AGAP1: variants seen among roughly 807,000 people sequenced by gnomAD.
AGAP1 encodes the protein arf-GAP with GTPase, ANK repeat and PH domain-containing protein 1.
AGAP1 carries 29 observed loss-of-function variants against 105.3 expected under a neutral mutation model. The ratio of observed to expected loss-of-function variants is 0.28; its 90% CI spans 0.21 to 0.38. The LOEUF is 0.38. Ranked by LOEUF, AGAP1 falls within the 10% of genes least tolerant of loss-of-function variation. The probability of loss-of-function intolerance (pLI) is 1.00; values close to 1 mark genes in which losing one functional copy is unlikely to be tolerated. For synonymous variants in AGAP1, 509 were observed against 485.9 expected, an observed-to-expected ratio of 1.05 and a Z score of -0.63; for missense variants, 998 against 1,165.1, an observed-to-expected ratio of 0.86 and a Z score of 2.09.
chr2:235,774,823 G>A (rs1188700194), intron 6 of AGAP1, among the ~76,000 whole-genome samples: 1 of 152,076 alleles, frequency 6.6e-6, no homozygotes, highest in Non-Finnish European at 1.5e-5. Flanking sequence ...AGATGAGCGA[G>A]ATCTCTGCGG....
In AGAP1 at chr2:236,080,059, G is replaced by A. The variant is rs1422598707; in HGVS notation, c.2114+30778G>A. Among the ~76,000 whole-genome samples, 2 of 152,180 alleles carry A rather than the reference G, an allele frequency of 1.3e-5. No individual in the cohort carries two copies. The highest frequency in any genetic ancestry group is 2.9e-5 in the Non-Finnish European group (2 of 68,024). On this transcript the variant is annotated intron_variant, in intron 16 of 17. Coordinates refer to ENST00000304032, the MANE Select transcript of AGAP1 (RefSeq NM_001037131.3). The surrounding 1 kb of genome is among the most constrained non-coding windows in gnomAD (Gnocchi z 4.2). ...TGCCCATAGCTGTGATGTAGTCAGG[G>A]CCCCATGGCATCCGCACACATCAAG...
chr2:236,096,723 T>C lies in AGAP1; in HGVS notation c.2115-23469T>C, dbSNP rs560891732. On this transcript the variant is annotated intron_variant, in intron 16 of 17. Transcript: ENST00000304032. This position sits in a 1 kb window ranked among gnomAD's most constrained non-coding sequence, Gnocchi z 4.4. ...CCTCCTGAGTAGCTGGGATTACAGGTGCCCACCACCACACCCAGCTAATTT... is the reference window on the plus strand; with the variant it reads ...CCTCCTGAGTAGCTGGGATTACAGGCGCCCACCACCACACCCAGCTAATTT... Among the ~76,000 whole-genome samples, 1 of 151,624 alleles carries C rather than the reference T, an allele frequency of 6.6e-6. No homozygotes were observed. The highest frequency in any genetic ancestry group is 2.1e-4 in the South Asian group (1 of 4,788).
At chr2:235,722,588 T>G (rs895030842) in intron 3 of AGAP1, among the ~76,000 whole-genome samples, 14 of 152,120 alleles carry the variant, frequency 9.2e-5, no homozygotes, top group African/African-American at 2.9e-4. Flanking sequence ...CTGTCCAAAC[T>G]TTTTCTTATA....
chr2:235,743,715 A>T (rs1952721974), intron 4 of AGAP1, among the ~76,000 whole-genome samples: 1 of 152,260 alleles, frequency 6.6e-6, no homozygotes, highest in Admixed American at 6.5e-5. Flanking sequence ...ATTAGAGGTG[A>T]TAACCTTGGC....
At chr2:236,098,620 C>CTTTTTGTTTTTTTTTT (rs1323650327) in intron 16 of AGAP1, among the ~76,000 whole-genome samples, 61 of 115,234 alleles carry the variant, frequency 5.3e-4, no homozygotes, top group African/African-American at 2.3e-3. Flanking sequence ...TCTTTTTTTC[C>CTTTTTGTTTTTTTTTT]TTTTTTTTTT....
At position 236,127,152 on chromosome 2, in the gene AGAP1, G is replaced by A. The variant is rs994387638; in HGVS notation, c.*3030G>A. The stretch of plus-strand genomic sequence containing the variant: ...TCTGCACCCCCGCGTTCAGCTTCGC[G>A]GAGACTGAACTTGGCGGGGAGTGGA... On this transcript the variant is annotated 3_prime_UTR_variant, in exon 18 of 18. Coordinates refer to ENST00000304032, the MANE Select transcript of AGAP1 (RefSeq NM_001037131.3). This position sits in a 1 kb window ranked among gnomAD's most constrained non-coding sequence, Gnocchi z 6.6. 2.6e-5 allele frequency: 4 copies of A among 152,220 alleles called. No individual in the cohort carries two copies. The highest frequency in any genetic ancestry group is 7.2e-5 in the African/African-American group (3 of 41,450). 9.4% of individuals were successfully genotyped at this position (152,220 alleles called of 1,614,324 possible). A position where few individuals can be genotyped will look rare whatever the true frequency, so the allele number is the denominator to read the frequency against.
rs757668520 is a variant in AGAP1, at chr2:235,883,312, T to C, written c.1051-33T>C. The C allele has an allele frequency of 6.3e-7, 1 of 1,592,342 alleles. No individual in the cohort carries two copies. The highest frequency in any genetic ancestry group is 8.6e-7 in the Non-Finnish European group (1 of 1,162,256). On this transcript the variant is annotated intron_variant, in intron 9 of 17. Coordinates refer to ENST00000304032, the MANE Select transcript of AGAP1 (RefSeq NM_001037131.3). The surrounding 1 kb of genome is among the most constrained non-coding windows in gnomAD (Gnocchi z 4.5). ...TGCCTTTTCTTTTTTTTATTTACAT[T>C]AGAATTTCTATTTGGCTCTTTTTCC...
At position 235,578,028 on chromosome 2, in the gene AGAP1, C is replaced by G. The variant is rs928430161; in HGVS notation, c.163+83179C>G. 6.6e-6 allele frequency among the ~76,000 whole-genome samples: 1 copy of G among 152,120 alleles called. No individual in the cohort carries two copies. Among genetic ancestry groups the G allele is most frequent in the Admixed American group, 6.5e-5 (1 of 15,280 alleles). On this transcript the variant is annotated intron_variant, in intron 1 of 17. Transcript: ENST00000304032. The surrounding 1 kb of genome is among the most constrained non-coding windows in gnomAD (Gnocchi z 4.9). The stretch of plus-strand genomic sequence containing the variant: ...TGTGCTGGTCCCGCCATCAGGACTT[C>G]CCCTCGTGAGGAGCTGGGTACCACT...
In AGAP1 at chr2:235,976,514, G is replaced by A. The variant is rs200352023; in HGVS notation, c.1645+7891G>A. On this transcript the variant is annotated intron_variant, in intron 13 of 17. Coordinates refer to ENST00000304032, the MANE Select transcript of AGAP1 (RefSeq NM_001037131.3). This position sits in a 1 kb window ranked among gnomAD's most constrained non-coding sequence, Gnocchi z 4.5. ...GTGATGAACCGACGCACAGAAGGAT[G>A]TTTGTAGTGTGGTTTTTGTTTGTTT... Among the ~76,000 whole-genome samples, 4 of 152,342 alleles carry A rather than the reference G, an allele frequency of 2.6e-5. No homozygotes were observed. The East Asian group carries it at 7.7e-4, about 29-fold the overall frequency.
Position 236,124,018 on chromosome 2 carries a change from T to C in AGAP1, c.2470T>C (p.Tyr824His), listed in dbSNP as rs1261845311. 3.1e-6 allele frequency: 5 copies of C among 1,614,038 alleles called. No individual in the cohort carries two copies. The highest frequency in any genetic ancestry group is 1.1e-5 in the South Asian group (1 of 91,060). The stretch of plus-strand genomic sequence containing the variant: ...GGAGTGCATCGACGTGCTGCTGCAG[T>C]ACGGCTGCCCCGACGAGCGCTTCGT... ...SQECIDVLLQ[Y>H]GCPDERFVLM... The change falls in exon 18 of 18, where the codon TAC becomes CAC. Residue 824 changes from tyrosine to histidine, a missense_variant. Physicochemically the swap from Tyr to His is moderately conservative, Grantham distance 83 (BLOSUM62 2). Transcript: ENST00000304032. This position sits in a 1 kb window ranked among gnomAD's most constrained non-coding sequence, Gnocchi z 5.1.
intron 13 of AGAP1, among the ~76,000 whole-genome samples, chr2:236,026,792 T>A (rs1199000137): frequency 3.3e-5 from 5 of 152,138 alleles, no homozygotes; most frequent in Non-Finnish European, 7.4e-5. Context: ...CTGGGGAAGC[T>A]AGTTTCAAAA....
At chr2:235,863,879 A>G (rs1351881962) in intron 9 of AGAP1, among the ~76,000 whole-genome samples, 1 of 152,234 alleles carries the variant, frequency 6.6e-6, no homozygotes, top group Non-Finnish European at 1.5e-5. Context: ...AGGTGGATGA[A>G]AAGTTGCCAG....
intron 13 of AGAP1, among the ~76,000 whole-genome samples, chr2:236,018,554 GC>G (rs765683309): frequency 9.9e-5 from 15 of 152,186 alleles, no homozygotes. Flanking sequence ...TCTTTCAAGA[GC>G]ATTTAAGCTC....
At position 235,891,852 on chromosome 2, in the gene AGAP1, C is replaced by G. The variant is rs767516736; in HGVS notation, c.1155+8403C>G. On this transcript the variant is annotated intron_variant, in intron 10 of 17. Transcript: ENST00000304032. The surrounding 1 kb of genome is among the most constrained non-coding windows in gnomAD (Gnocchi z 4.2). The stretch of plus-strand genomic sequence containing the variant: ...GGCAGACGTGCATGAACTGGTCAGA[C>G]TTTTAAAAAACCTCCTTCTGGCCAG... Among the ~76,000 whole-genome samples the G allele has an allele frequency of 5.9e-5, 9 of 152,148 alleles. No individual in the cohort carries two copies. Among genetic ancestry groups the G allele is most frequent in the Non-Finnish European group, 8.8e-5 (6 of 68,018 alleles).
chr2:235,877,325 G>A lies in AGAP1; in HGVS notation c.1051-6020G>A, dbSNP rs1314229773. On this transcript the variant is annotated intron_variant, in intron 9 of 17. Transcript: ENST00000304032. The surrounding 1 kb of genome is among the most constrained non-coding windows in gnomAD (Gnocchi z 4.3). ...TTTAAATTAATACCATTAATTTACT[G>A]TGCATTTAATGTTAAGGATGATGAT... Among the ~76,000 whole-genome samples, 1 of 152,008 alleles carries A rather than the reference G, an allele frequency of 6.6e-6. No homozygotes were observed. Among genetic ancestry groups the A allele is most frequent in the East Asian group, 1.9e-4 (1 of 5,190 alleles).
intron 6 of AGAP1, among the ~76,000 whole-genome samples, chr2:235,775,000 G>T (rs1253307751): frequency 6.6e-6 from 1 of 152,056 alleles, no homozygotes; most frequent in Non-Finnish European, 1.5e-5. Context: ...TTTTTTTTAT[G>T]GAAGAGATTC....
chr2:235,670,074 C>A (rs1948295734), intron 1 of AGAP1: 1 of 419,226 alleles, frequency 2.4e-6, no homozygotes, highest in Non-Finnish European at 4.2e-6. Flanking sequence ...TCGCTGGATG[C>A]GGCGGGGCCC....
chr2:235,670,360 G>A (rs945045968), intron 1 of AGAP1: 5 of 527,968 alleles, frequency 9.5e-6, no homozygotes, highest in South Asian at 2.3e-5. Flanking sequence ...GTCCCCGGCC[G>A]CGCGCTTGGG....
intron 13 of AGAP1, among the ~76,000 whole-genome samples, chr2:235,975,661 A>C (rs1575943431): frequency 1.3e-5 from 2 of 152,174 alleles, no homozygotes; most frequent in South Asian, 2.1e-4. Flanking sequence ...TCCAGTCTAC[A>C]GGGGCTTTCA....
Sources: gnomAD v4.1 joint callset for allele counts (sites outside exome capture counted in the v4.1 genomes callset) on GRCh38, gnomAD v4.1.1 for gene constraint, Gnocchi (gnomAD v3.1) non-coding constraint, MANE v1.5 for transcripts, NCBI Gene and HGNC (gene_info 2026-07-23, HGNC 2026-07-21) for gene names.